DNAH5: variants seen among roughly 807,000 people sequenced by gnomAD.
DNAH5 encodes the protein axonemal beta dynein heavy chain 5.
Under a neutral mutation model 518.2 loss-of-function variants are expected in DNAH5, and 372 were observed. The observed-to-expected ratio is 0.72, with a 90% CI of 0.66 to 0.78. The LOEUF (loss-of-function observed/expected upper bound fraction) is 0.78, where lower values mean the gene tolerates loss of function less well. Among genes scored for constraint, DNAH5 ranks in the 30% least tolerant of loss-of-function variants. The pLI is 0.00. For synonymous variants in DNAH5, 2,039 were observed against 2,025.9 expected (o/e 1.01, Z -0.17); for missense variants, 5,523 against 5,687.0 (o/e 0.97, Z 0.93).
chr5:13,788,645 A>G (rs1756464646), intron 51 of DNAH5, 71 bp downstream of exon 51: 1 of 1,309,286 alleles, frequency 7.6e-7, no homozygotes, highest in Non-Finnish European at 1.1e-6. Flanking sequence ...CATAAACTGA[A>G]TCTTCTGTCT....
At chr5:13,934,516 T>A (rs192180453) in intron 1 of DNAH5, among the ~76,000 whole-genome samples, 1 of 152,168 alleles carries the variant, frequency 6.6e-6, no homozygotes, top group Admixed American at 6.5e-5. Flanking sequence ...AAAAGGATGA[T>A]TGGGAAAAGA....
intron 7 of DNAH5, among the ~76,000 whole-genome samples, chr5:13,918,142 A>G (rs1269116291): frequency 6.6e-6 from 1 of 152,184 alleles, no homozygotes; most frequent in Non-Finnish European, 1.5e-5. Context: ...TAATTTACAT[A>G]AAGACTGTGG....
Position 13,769,464 on chromosome 5 carries a change from C to T in DNAH5, c.9720+37G>A, listed in dbSNP as rs766393983. 6.5e-6 allele frequency: 10 copies of T among 1,536,230 alleles called. No homozygotes were observed. In the East Asian group the frequency reaches 2.2e-4, roughly 35 times the overall value. ...CATTAACACTTGTGAACTGAGAATT[C>T]AAAAGGAATGTGGCACATGTGTAAA... On this transcript the variant is annotated intron_variant, in intron 57 of 78. Transcript: ENST00000265104.
chr5:13,811,634 T>G lies in DNAH5; in HGVS notation c.7407+13A>C, dbSNP rs1175951108. The G allele has an allele frequency of 2.0e-5, 33 of 1,613,530 alleles. No homozygotes were observed. Among genetic ancestry groups the G allele is most frequent in the African/African-American group, 2.7e-5 (2 of 74,934 alleles). On this transcript the variant is annotated intron_variant, in intron 44 of 78. Coordinates refer to ENST00000265104, the MANE Select transcript of DNAH5 (RefSeq NM_001369.3). ...GATAAGAGAGAATTTCTCTAGAAAG[T>G]TGAGCAATTTACCTTCAGAGGAATC...
At chr5:13,938,623 T>C (rs1437242780) in intron 1 of DNAH5, among the ~76,000 whole-genome samples, 1 of 152,046 alleles carries the variant, frequency 6.6e-6, no homozygotes, top group African/African-American at 2.4e-5. Flanking sequence ...GGTTCAATCC[T>C]ACCCATGGTT....
At chr5:13,780,723 G>T in intron 53 of DNAH5, 106 bp downstream of exon 53, 1 of 1,269,596 alleles carries the variant, frequency 7.9e-7, no homozygotes, top group Non-Finnish European at 1.1e-6. Context: ...GAAGGAAAAT[G>T]ACTGTGACTC....
At position 13,844,827 on chromosome 5, in the gene DNAH5, T is replaced by C; in HGVS notation, c.5271+10A>G. 1 of 1,614,180 alleles carries C rather than the reference T, an allele frequency of 6.2e-7. No homozygotes were observed. Among genetic ancestry groups the C allele is most frequent in the Non-Finnish European group, 8.5e-7 (1 of 1,180,012 alleles). ...GGTGATTGTTGGCCTGCCATTAGAA[T>C]TAGGCGAACCTTTTCGTGGAACTTG... is the stretch of plus-strand genomic sequence containing the variant. On this transcript the variant is annotated intron_variant, in intron 32 of 78. Coordinates refer to ENST00000265104, the MANE Select transcript of DNAH5 (RefSeq NM_001369.3).
At position 13,735,810 on chromosome 5, in the gene DNAH5, A is replaced by G. The variant is rs369789559; in HGVS notation, c.11570+8T>C. ...GAATTCAGCTTGGCTTCCCGCGTAC[A>G]GACGTACCTGGCTAAGGAAAGGTCA... On this transcript the variant is annotated splice_region_variant and intron_variant, in intron 67 of 78. Transcript: ENST00000265104. 3.3e-4 allele frequency: 527 copies of G among 1,610,294 alleles called. No individual in the cohort carries two copies. Among genetic ancestry groups the G allele is most frequent in the Non-Finnish European group, 4.1e-4 (488 of 1,176,586 alleles).
intron 12 of DNAH5, among the ~76,000 whole-genome samples, chr5:13,905,015 C>A (rs901316959): frequency 8.5e-5 from 13 of 152,084 alleles, no homozygotes; most frequent in African/African-American, 2.9e-4. Flanking sequence ...GTCGAAGTAG[C>A]AATATAAATA....
chr5:13,951,207 CGT>C (rs1560996637), intron 1 of DNAH5, among the ~76,000 whole-genome samples: 6 of 60,162 alleles, frequency 1.0e-4, no homozygotes, highest in African/African-American at 2.3e-4. Flanking sequence ...TTGTTTTTTT[CGT>C]TTTTTTTTTT....
intron 73 of DNAH5, among the ~76,000 whole-genome samples, chr5:13,716,928 T>C (rs1464580317): frequency 6.6e-6 from 1 of 152,216 alleles, no homozygotes; most frequent in African/African-American, 2.4e-5. Flanking sequence ...CATACTTCAA[T>C]ATAAATAGAA....
chr5:13,905,036 T>A (rs766160707), intron 12 of DNAH5, among the ~76,000 whole-genome samples: 1 of 152,136 alleles, frequency 6.6e-6, no homozygotes, highest in Non-Finnish European at 1.5e-5. Flanking sequence ...ATTCACAAAA[T>A]TGATTGTAAG....
intron 1 of DNAH5, among the ~76,000 whole-genome samples, chr5:13,964,786 T>A (rs1000742497): frequency 3.9e-5 from 6 of 152,198 alleles, no homozygotes; most frequent in African/African-American, 1.4e-4. Context: ...ATATATACAG[T>A]ATCTGAAGTA....
chr5:13,944,285 G>A (rs1779729351), intron 1 of DNAH5, 97 bp downstream of exon 1: 3 of 1,176,000 alleles, frequency 2.6e-6, no homozygotes, highest in East Asian at 4.7e-5. Flanking sequence ...TCATCAGTGT[G>A]TGACTTTGAA....
chr5:13,792,246 A>G, intron 49 of DNAH5, 29 bp from the exon 50 acceptor site: 2 of 1,575,690 alleles, frequency 1.3e-6, no homozygotes, highest in Middle Eastern at 1.7e-4. Flanking sequence ...CAGCATTTTG[A>G]TTAGCCATTC....
rs776187946 is a variant in DNAH5 at position 13,814,856 on chromosome 5, C to T, written c.6989-10G>A. Reference sequence around the variant, plus strand: ...ATCCAGATATGTTCCCCTAGAATACCCCACCAAAGGGAAAAAAAAAATACA... The same window carrying T: ...ATCCAGATATGTTCCCCTAGAATACTCCACCAAAGGGAAAAAAAAAATACA... On this transcript the variant is annotated splice_polypyrimidine_tract_variant and intron_variant, in intron 42 of 78. Coordinates refer to ENST00000265104, the MANE Select transcript of DNAH5 (RefSeq NM_001369.3). 3 of 1,612,914 alleles carry T rather than the reference C, an allele frequency of 1.9e-6. No individual in the cohort carries two copies. The highest frequency in any genetic ancestry group is 1.1e-5 in the South Asian group (1 of 91,030).
At position 13,721,215 on chromosome 5, in the gene DNAH5, C is replaced by T; in HGVS notation, c.12064G>A (p.Glu4022Lys). The change falls in exon 71 of 79, where the codon GAA becomes AAA. Residue 4022 changes from glutamate (E) to lysine (K), a missense_variant. Around this residue, in one of 3 missense-constraint regions of DNAH5, gnomAD observed 5,121 missense variants for 5,223.3 expected, o/e 0.98. Transcript: ENST00000265104. ...ARKYIVDSMG[E>K]KYAEGVILDL... The stretch of plus-strand genomic sequence containing the variant: ...AAAATAACACCTTCGGCATATTTTT[C>T]TCCCATGGAGTCCACGATGTACTTG... The T allele has an allele frequency of 1.9e-6, 3 of 1,614,146 alleles. No homozygotes were observed. Among genetic ancestry groups the T allele is most frequent in the Middle Eastern group, 1.6e-4 (1 of 6,062 alleles).
Position 13,754,242 on chromosome 5 carries a change from G to GCT in DNAH5, c.10514_10515dup (p.Gln3506SerfsTer14). On this transcript the variant is annotated frameshift_variant, in exon 62 of 79. Transcript: ENST00000265104. LOFTEE classifies it high-confidence loss of function. ...GTTTGTGCAGCAAACTCTTGGCTTTGCTCTGTCCATCTTTCTTTTTCACCT... is the reference window on the plus strand; with the variant it reads ...GTTTGTGCAGCAAACTCTTGGCTTTGCTCTCTGTCCATCTTTCTTTTTCACCT... 1 of 1,614,036 alleles carries GCT rather than the reference G, an allele frequency of 6.2e-7. No homozygotes were observed. Among genetic ancestry groups the GCT allele is most frequent in the South Asian group, 1.1e-5 (1 of 91,082 alleles).
chr5:13,983,417 T>C (rs10051300), intron 1 of DNAH5, among the ~76,000 whole-genome samples: 4,719 of 152,278 alleles, frequency 0.031, 232 homozygotes, highest in African/African-American at 0.11. Context: ...AGAACCTTTG[T>C]GTGGGGAGGT....
Sources: gnomAD v4.1 joint callset for allele counts (sites outside exome capture counted in the v4.1 genomes callset) on GRCh38, gnomAD v4.1.1 for gene constraint, gnomAD v4.1.1 regional missense constraint, MANE v1.5 for transcripts, NCBI Gene and HGNC (gene_info 2026-07-23, HGNC 2026-07-21) for gene names.